Variants in HYDIN observed in about 807,000 individuals in gnomAD.
HYDIN encodes HYDIN axonemal central pair apparatus protein.
HYDIN carries 132 observed loss-of-function variants against 403.9 expected under a neutral mutation model. The observed-to-expected ratio is 0.33, with a 90% CI of 0.28 to 0.38. The LOEUF is 0.38. HYDIN is among the 10% of genes least tolerant of loss of function. The pLI, the probability that HYDIN is intolerant of heterozygous loss-of-function variation, is 1.00. For missense variants in HYDIN, 2,827 were observed against 5,009.5 expected (o/e 0.56, Z 13.15); for synonymous variants, 1,202 against 1,891.7 (o/e 0.64, Z 9.46).
intron 1 of HYDIN, among the ~76,000 whole-genome samples, chr16:71,191,686 C>T (rs538457298): frequency 1.2e-4 from 19 of 152,216 alleles, no homozygotes; most frequent in Admixed American, 2.6e-4. Context: ...GCTCTCTTCC[C>T]GGCAGCTATT....
chr16:71,208,629 A>T (rs369019329), intron 1 of HYDIN, among the ~76,000 whole-genome samples: 21 of 152,298 alleles, frequency 1.4e-4, no homozygotes, highest in African/African-American at 4.8e-4. Flanking sequence ...TATTTTTTGA[A>T]ACAATTAATA....
chr16:70,927,701 C>T (rs1354222611), intron 45 of HYDIN, among the ~76,000 whole-genome samples: 1 of 152,238 alleles, frequency 6.6e-6, no homozygotes, highest in African/African-American at 2.4e-5. Flanking sequence ...CTGGGCTAAG[C>T]CCCACTGTGG....
At position 71,200,574 on chromosome 16, in the gene HYDIN, T is replaced by A. The variant is rs12149823; in HGVS notation, c.-23-13656A>T. Among the ~76,000 whole-genome samples, 359 of 152,314 alleles carry A rather than the reference T, an allele frequency of 2.4e-3. 2 individuals are homozygous for A. Among genetic ancestry groups the A allele is most frequent in the Non-Finnish European group, 3.4e-3 (231 of 68,024 alleles). ...CAATTCCTGTTACCTGAGATGGACA[T>A]TTAGTATATCAACACTGAATGGCTG... is the stretch of plus-strand genomic sequence containing the variant. On this transcript the variant is annotated intron_variant, in intron 1 of 85. Coordinates refer to ENST00000393567, the MANE Select transcript of HYDIN (RefSeq NM_001270974.2).
intron 58 of HYDIN, among the ~76,000 whole-genome samples, chr16:70,887,992 T>G (rs2041245242): frequency 6.6e-6 from 1 of 152,242 alleles, no homozygotes; most frequent in Non-Finnish European, 1.5e-5. Flanking sequence ...CCAAGTTCAC[T>G]GATTCTTTTC....
At chr16:71,005,587 A>G (rs1193247258) in intron 23 of HYDIN, among the ~76,000 whole-genome samples, 1 of 152,200 alleles carries the variant, frequency 6.6e-6, no homozygotes, top group African/African-American at 2.4e-5. Context: ...CGGCAGCCTG[A>G]GCTCAGTAAT....
intron 13 of HYDIN, among the ~76,000 whole-genome samples, chr16:71,070,350 G>T (rs1417552489): frequency 4.6e-5 from 6 of 130,296 alleles, no homozygotes; most frequent in African/African-American, 1.7e-4. Context: ...ACAGAGTCTT[G>T]CTCTGTAACC....
intron 23 of HYDIN, among the ~76,000 whole-genome samples, chr16:70,996,792 G>A (rs1422727777): frequency 4.6e-5 from 7 of 151,200 alleles, no homozygotes; most frequent in African/African-American, 7.3e-5. Context: ...GCAAAGCAGC[G>A]GTCCCCAACC....
chr16:71,023,010 A>G (rs1597572876), intron 21 of HYDIN, among the ~76,000 whole-genome samples: 1 of 151,974 alleles, frequency 6.6e-6, no homozygotes. Flanking sequence ...TATTTAACAT[A>G]TATTACGTCT....
rs2037194921 is a variant in HYDIN at position 70,834,006 on chromosome 16, G to A, written c.13560C>T (p.Gly4520=). The A allele has an allele frequency of 6.2e-7, 1 of 1,606,734 alleles. No individual in the cohort carries two copies. The highest frequency in any genetic ancestry group is 1.3e-5 in the African/African-American group (1 of 74,522). The part of the protein sequence containing the change: ...GLLRPLFLLS[G]CCQALEISLD... ...GTGAGATCTCCAGGGCCTGGCAGCA[G>A]CCGCTAAGGAGGAAGAGGGGGCGCA... The change falls in exon 79 of 86, where the codon GGC becomes GGT. Residue 4520 remains glycine, a synonymous_variant. Transcript: ENST00000393567.
At position 71,230,666 on chromosome 16, in the gene HYDIN, T is replaced by A; in HGVS notation, c.-128A>T. 2 of 1,536,032 alleles carry A rather than the reference T, an allele frequency of 1.3e-6. No individual in the cohort carries two copies. Among genetic ancestry groups the A allele is most frequent in the Non-Finnish European group, 1.7e-6 (2 of 1,146,878 alleles). On this transcript the variant is annotated 5_prime_UTR_variant, in exon 1 of 86. The change creates a premature stop within an existing upstream ORF in the 5' untranslated region. Transcript: ENST00000393567. ...CCGCTGAGGGGCTCCATACCCAGCT[T>A]GAAGCCGCCCGCACTCTCCATGCGC...
intron 1 of HYDIN, among the ~76,000 whole-genome samples, chr16:71,192,273 T>C (rs1246642724): frequency 2.0e-5 from 3 of 152,144 alleles, no homozygotes; most frequent in African/African-American, 4.8e-5. Context: ...CCTTCGTTAA[T>C]GTCACTACCA....
chr16:71,049,041 G>A (rs545774844), intron 18 of HYDIN, among the ~76,000 whole-genome samples: 78 of 152,220 alleles, frequency 5.1e-4, no homozygotes, highest in African/African-American at 1.1e-3. Flanking sequence ...AAAAAGAGGC[G>A]CAATTTTGAA....
chr16:70,950,797 T>A (rs1025200803), intron 41 of HYDIN, among the ~76,000 whole-genome samples: 7 of 152,212 alleles, frequency 4.6e-5, no homozygotes, highest in Non-Finnish European at 8.8e-5. Flanking sequence ...CTCTTCTTAA[T>A]TCCTTCTCTA....
chr16:70,904,593 T>G (rs1354083985), intron 50 of HYDIN, among the ~76,000 whole-genome samples: 1 of 97,808 alleles, frequency 1.0e-5, no homozygotes, highest in Non-Finnish European at 2.0e-5. Context: ...CTCCACCTCC[T>G]GGGTTCAAGC....
rs761103042 is a variant in HYDIN, at chr16:70,879,399, A to T, written c.10455T>A (p.His3485Gln). The change falls in exon 62 of 86, where the codon CAT (histidine) becomes CAA (glutamine). Residue 3485 changes from histidine (H) to glutamine (Q), a missense_variant. Coordinates refer to ENST00000393567, the MANE Select transcript of HYDIN (RefSeq NM_001270974.2). ...PRVTVVRPVL[H>Q]NQYGNPLLLF... The stretch of plus-strand genomic sequence containing the variant: ...GGAGCAAGGGGTTTCCATATTGGTT[A>T]TGAAGAACTGGCCGCACAACCGTCA... 1.3e-5 allele frequency: 20 copies of T among 1,589,496 alleles called. No individual in the cohort carries two copies. In the African/African-American group the frequency reaches 2.2e-4, roughly 17 times the overall value.
At position 70,818,336 on chromosome 16, in the gene HYDIN, C is replaced by A. The variant is rs2656744; in HGVS notation, c.14658+6G>T. The A allele has an allele frequency of 6.2e-7, 1 of 1,608,986 alleles. No homozygotes were observed. ...CAGGGAGCCCCCGACAGCCAAGGGG[C>A]CGTACCTCGGAGTTGGCAGGCACCA... On this transcript the variant is annotated splice_donor_region_variant and intron_variant, in intron 84 of 85. Coordinates refer to ENST00000393567, the MANE Select transcript of HYDIN (RefSeq NM_001270974.2).
At chr16:71,226,417 T>C (rs1256907382) in intron 1 of HYDIN, among the ~76,000 whole-genome samples, 7 of 151,974 alleles carry the variant, frequency 4.6e-5, no homozygotes. Flanking sequence ...CCTGACGTCA[T>C]ACATAAAAAT....
intron 23 of HYDIN, among the ~76,000 whole-genome samples, chr16:71,012,259 C>T (rs912301106): frequency 6.6e-5 from 10 of 152,396 alleles, no homozygotes; most frequent in Non-Finnish European, 1.3e-4. Flanking sequence ...GCTCCTGCAG[C>T]GACAGCTGTG....
rs2041237745 is a variant in HYDIN at position 71,230,583 on chromosome 16, C to T, written c.-45G>A. 2 of 1,535,780 alleles carry T rather than the reference C, an allele frequency of 1.3e-6. No homozygotes were observed. The highest frequency in any genetic ancestry group is 4.9e-5 in the East Asian group (2 of 40,898). On this transcript the variant is annotated 5_prime_UTR_variant, in exon 1 of 86. It adds an upstream start codon to the 5' untranslated region. Coordinates refer to ENST00000393567, the MANE Select transcript of HYDIN (RefSeq NM_001270974.2). ...TGACCTTGGTGCACTCCGGGTCCCA[C>T]GTTTATTCTACCTCCATTCCCCGCC...
Sources: allele counts gnomAD v4.1 joint callset (sites outside exome capture counted in the v4.1 genomes callset), GRCh38; gene constraint gnomAD v4.1.1; transcripts MANE v1.5; gene names NCBI Gene and HGNC (gene_info 2026-07-23, HGNC 2026-07-21).